Variants in TTN observed in about 807,000 individuals in gnomAD.
The protein encoded by TTN is connectin.
In TTN, 1,525 loss-of-function variants were observed where a neutral mutation model predicts 3,223.0. That is an observed-to-expected ratio of 0.47 (90% CI 0.45 to 0.49). The LOEUF (loss-of-function observed/expected upper bound fraction) is 0.49. Ranked by LOEUF, TTN falls within the 20% of genes least tolerant of loss-of-function variation. The pLI, the probability that TTN is intolerant of heterozygous loss-of-function variation, is 0.00. For missense variants in TTN, 40,786 were observed against 43,424.0 expected (o/e 0.94, Z 5.40); for synonymous variants, 14,094 against 15,161.0 (o/e 0.93, Z 5.17).
In TTN at chr2:178,636,686, C is replaced by T. The variant is rs794729423; in HGVS notation, c.41041G>A (p.Val13681Met). ...ATTTCTTTCACAAACTTCAGTGGCA[C>T]AGCCTTTAGCTGGTAGGTGAACGGG... is the stretch of plus-strand genomic sequence containing the variant. Reference protein sequence around the residue: ...EAPFTYQLKAVPLKFVKEIKD... With the variant: ...EAPFTYQLKAMPLKFVKEIKD... The change falls in exon 225 of 363, where the codon GTG becomes ATG. Residue 13681 changes from valine to methionine, a missense_variant. By Grantham distance (21) the Val-to-Met change is conservative (BLOSUM62 1). Transcript: ENST00000589042. The surrounding 1 kb of genome is among the most constrained non-coding windows in gnomAD (Gnocchi z 4.3). 6.2e-7 allele frequency: 1 copy of T among 1,613,306 alleles called. No homozygotes were observed. Among genetic ancestry groups the T allele is most frequent in the Non-Finnish European group, 8.5e-7 (1 of 1,179,512 alleles).
In TTN at chr2:178,546,285, G is replaced by A. The variant is rs1447931152; in HGVS notation, c.95046C>T (p.Asp31682=). 3 of 1,613,828 alleles carry A rather than the reference G, an allele frequency of 1.9e-6. No individual in the cohort carries two copies. The highest frequency in any genetic ancestry group is 3.3e-5 in the Admixed American group (2 of 60,024). Residue 31682 remains aspartate (D), a synonymous_variant, in exon 342 of 363, where the codon GAC becomes GAT. Transcript: ENST00000589042. ...TAVIKFCDRS[D]SGKYTLTVKN... ...TCACTGTTAAAGTGTATTTTCCACT[G>A]TCACTTCTGTCACAGAACTTGATCA... is the stretch of plus-strand genomic sequence containing the variant.
chr2:178,676,129 C>T, intron 147 of TTN, 134 bp from the exon 148 acceptor site: 1 of 719,206 alleles, frequency 1.4e-6, no homozygotes, highest in South Asian at 2.0e-5. Flanking sequence ...GTTGGGAGCC[C>T]AGATATTATA....
intron 361 of TTN, 56 bp from the exon 362 acceptor site, chr2:178,527,804 C>T: frequency 6.8e-7 from 1 of 1,466,734 alleles, no homozygotes; most frequent in Non-Finnish European, 9.1e-7. Context: ...TAATTGATGA[C>T]ATATGACGCT....
chr2:178,734,277 A>G (rs1296094714), intron 52 of TTN, 51 bp downstream of exon 52: 5 of 1,504,898 alleles, frequency 3.3e-6, no homozygotes, highest in Non-Finnish European at 4.4e-6. Flanking sequence ...ATGGGGTAAG[A>G]AAGCTAGTTT....
At position 178,775,011 on chromosome 2, in the gene TTN, G is replaced by T. The variant is rs766750289; in HGVS notation, c.6700C>A (p.Leu2234Met). 4.3e-6 allele frequency: 7 copies of T among 1,613,920 alleles called. No homozygotes were observed. Among genetic ancestry groups the T allele is most frequent in the African/African-American group, 1.3e-5 (1 of 74,928 alleles). ...SDRKVHFLSI[L>M]TIDTSDAEDY... ...TCAGCATCAGACGTATCAATGGTCA[G>T]TATGGAGAGGAAGTGAACCTTTCTG... The change falls in exon 29 of 363, where the codon CTG becomes ATG. Residue 2234 changes from leucine (L) to methionine (M), a missense_variant. Physicochemically the swap from Leu to Met is conservative, Grantham distance 15. Coordinates refer to ENST00000589042, the MANE Select transcript of TTN (RefSeq NM_001267550.2).
chr2:178,783,032 T>G lies in TTN; in HGVS notation c.2874A>C (p.Glu958Asp). The G allele has an allele frequency of 6.2e-7, 1 of 1,614,068 alleles. No homozygotes were observed. Among genetic ancestry groups the G allele is most frequent in the Non-Finnish European group, 8.5e-7 (1 of 1,179,950 alleles). ...GLKNVTVIEG[E>D]SVTLECHISG... ...AGATGTGGCACTCCAAGGTGACAGA[T>G]TCACCTTCTATGACAGTCACATTTT... Residue 958 changes from glutamate (E) to aspartate (D), a missense_variant, in exon 18 of 363, where the codon GAA becomes GAC. Glu to Asp is a conservative substitution (Grantham distance 45). Coordinates refer to ENST00000589042, the MANE Select transcript of TTN (RefSeq NM_001267550.2).
At position 178,684,044 on chromosome 2, in the gene TTN, C is replaced by T; in HGVS notation, c.32761G>A (p.Val10921Ile). The T allele has an allele frequency of 6.2e-7, 1 of 1,606,108 alleles. No homozygotes were observed. Among genetic ancestry groups the T allele is most frequent in the African/African-American group, 1.4e-5 (1 of 73,768 alleles). The change falls in exon 133 of 363, where the codon GTT becomes ATT. Residue 10921 changes from valine to isoleucine, a missense_variant. Transcript: ENST00000589042. Reference sequence around the variant, plus strand: ...TCTCTTTTAGGTTTGAGTTTCAGAACTTTTTCTTCTGGGACAGCTCTCTTC... The same window carrying T: ...TCTCTTTTAGGTTTGAGTTTCAGAATTTTTTCTTCTGGGACAGCTCTCTTC... The part of the protein sequence containing the change: ...EPKRAVPEEK[V>I]LKLKPKREEE...
In TTN at chr2:178,615,495, T is replaced by C. The variant is rs371040291; in HGVS notation, c.48461-11A>G. The C allele has an allele frequency of 4.3e-5, 70 of 1,610,096 alleles. No individual in the cohort carries two copies. In the Admixed American group the frequency reaches 6.2e-4, roughly 14 times the overall value. ...GTGGGTCAGGTACCGCTACAACATT[T>C]GGAAGAGAGAGTCAGTCTTACACAG... On this transcript the variant is annotated splice_polypyrimidine_tract_variant and intron_variant, in intron 258 of 362. Transcript: ENST00000589042.
chr2:178,735,459 T>C, intron 50 of TTN, 52 bp downstream of exon 50: 1 of 1,470,668 alleles, frequency 6.8e-7, no homozygotes, highest in Non-Finnish European at 9.0e-7. Context: ...GTTTTTCTAC[T>C]GAGGATTCCT....
chr2:178,605,476 A>G lies in TTN; in HGVS notation c.53819T>C (p.Val17940Ala). The part of the protein sequence containing the change: ...HQMYEFRVKA[V>A]NEIGESEPSL... ...TGGTTCACTTTCACCAATTTCATTG[A>G]CAGCTTTGACACGGAACTCATACAT... is the stretch of plus-strand genomic sequence containing the variant. The change falls in exon 279 of 363, where the codon GTC (valine) becomes GCC (alanine). Residue 17940 changes from valine to alanine, a missense_variant. Physicochemically the swap from Val to Ala is moderately conservative, Grantham distance 64 (BLOSUM62 0). Coordinates refer to ENST00000589042, the MANE Select transcript of TTN (RefSeq NM_001267550.2). The G allele has an allele frequency of 1.2e-6, 2 of 1,611,978 alleles. No homozygotes were observed. The highest frequency in any genetic ancestry group is 1.7e-6 in the Non-Finnish European group (2 of 1,178,718).
chr2:178,601,536 T>C lies in TTN; in HGVS notation c.55461A>G (p.Lys18487=), dbSNP rs886042117. Residue 18487 remains lysine, a synonymous_variant, in exon 287 of 363, where the codon AAA becomes AAG. Transcript: ENST00000589042. ...AACTACCCCTTGTGATATCACTGAC[T>C]TTCAGATCTTTGGGTGGGCCTGGTA... is the stretch of plus-strand genomic sequence containing the variant. ...MDVPGPPKDL[K]VSDITRGSCR... The C allele has an allele frequency of 4.3e-6, 7 of 1,612,212 alleles. No individual in the cohort carries two copies. The highest frequency in any genetic ancestry group is 5.9e-6 in the Non-Finnish European group (7 of 1,178,874).
At position 178,531,118 on chromosome 2, in the gene TTN, CCTT is replaced by C; in HGVS notation, c.105494_105496del (p.Lys35165_Gly35166delinsArg). 1 of 1,613,938 alleles carries C rather than the reference CCTT, an allele frequency of 6.2e-7. No homozygotes were observed. The highest frequency in any genetic ancestry group is 8.5e-7 in the Non-Finnish European group (1 of 1,179,864). ...GCGGGCAGAAGTACTTAGCACTTGT[CCTT>C]TACGCAGCCAGGTCACAGTTGGTAC... is the stretch of plus-strand genomic sequence containing the variant. On this transcript the variant is annotated inframe_deletion, in exon 358 of 363. Coordinates refer to ENST00000589042, the MANE Select transcript of TTN (RefSeq NM_001267550.2).
intron 45 of TTN, 90 bp from the exon 46 acceptor site, chr2:178,756,887 G>A: frequency 8.5e-7 from 1 of 1,176,778 alleles, no homozygotes; most frequent in Non-Finnish European, 1.2e-6. Context: ...TGGCATGGAA[G>A]ATGAAGATGA....
Position 178,560,644 on chromosome 2 carries a change from A to G in TTN, c.85488T>C (p.Leu28496=), listed in dbSNP as rs778202815. 5 of 1,613,570 alleles carry G rather than the reference A, an allele frequency of 3.1e-6. No homozygotes were observed. In the Admixed American group the frequency reaches 8.3e-5, roughly 27 times the overall value. The change falls in exon 326 of 363, where the codon CTT becomes CTC. Residue 28496 remains leucine (L), a synonymous_variant. Coordinates refer to ENST00000589042, the MANE Select transcript of TTN (RefSeq NM_001267550.2). ...ACTCTCCTTCACATATTGTCCATGC[A>G]AGGTGGCTTGTTTCACGTTTTTCTA... ...YIVEKRETSH[L]AWTICEGELQ...
intron 177 of TTN, 31 bp downstream of exon 177, chr2:178,662,307 T>C: frequency 7.2e-7 from 1 of 1,383,880 alleles, no homozygotes; most frequent in East Asian, 2.8e-5. Flanking sequence ...AGATATCTCT[T>C]CTGCAGAATG....
chr2:178,626,815 G>A (rs2059124588), intron 240 of TTN, among the ~76,000 whole-genome samples: 1 of 151,782 alleles, frequency 6.6e-6, no homozygotes, highest in South Asian at 2.1e-4. Flanking sequence ...AGGTGTCTCA[G>A]TTTCTAACCC....
Position 178,566,733 on chromosome 2 carries a change from C to T in TTN, c.79399G>A (p.Ala26467Thr). Reference protein sequence around the residue: ...YEFRVSAENAAGVGEPSPATV... With the variant: ...YEFRVSAENATGVGEPSPATV... ...GCTGGACTTGGTTCCCCAACTCCAGCAGCATTTTCTGCAGAGACCCTGAAT... is the reference window on the plus strand; with the variant it reads ...GCTGGACTTGGTTCCCCAACTCCAGTAGCATTTTCTGCAGAGACCCTGAAT... The change falls in exon 326 of 363, where the codon GCT becomes ACT. Residue 26467 changes from alanine (A) to threonine (T), a missense_variant. Physicochemically the swap from Ala to Thr is moderately conservative, Grantham distance 58 (BLOSUM62 0). Transcript: ENST00000589042. 1.9e-6 allele frequency: 3 copies of T among 1,613,396 alleles called. No homozygotes were observed. The South Asian group carries it at 3.3e-5, about 18-fold the overall frequency.
At chr2:178,654,168 G>A in intron 193 of TTN, 40 bp downstream of exon 193, 1 of 1,587,058 alleles carries the variant, frequency 6.3e-7, no homozygotes, top group Non-Finnish European at 8.5e-7. Context: ...GAGGGGTACA[G>A]ACAGTAAGTT....
At position 178,611,567 on chromosome 2, in the gene TTN, G is replaced by A; in HGVS notation, c.50662C>T (p.His16888Tyr). ...KNGGSPIIGY[H>Y]VEMCPVGTEK... The stretch of plus-strand genomic sequence containing the variant: ...GTGCCTACTGGACACATTTCAACAT[G>A]GTATCCTATGATAGGACTTCCACCA... The change falls in exon 269 of 363, where the codon CAT becomes TAT. Residue 16888 changes from histidine to tyrosine, a missense_variant. Transcript: ENST00000589042. 1 of 1,612,926 alleles carries A rather than the reference G, an allele frequency of 6.2e-7. No individual in the cohort carries two copies. The highest frequency in any genetic ancestry group is 8.5e-7 in the Non-Finnish European group (1 of 1,179,298).
Sources: allele counts gnomAD v4.1 joint callset (sites outside exome capture counted in the v4.1 genomes callset), GRCh38; gene constraint gnomAD v4.1.1; non-coding constraint Gnocchi (gnomAD v3.1); transcripts MANE v1.5; gene names NCBI Gene and HGNC (gene_info 2026-07-23, HGNC 2026-07-21).